Variants in TENM2 observed in about 807,000 individuals in gnomAD.
The protein encoded by TENM2 is teneurin-2.
TENM2 carries 52 observed loss-of-function variants against 245.2 expected under a neutral mutation model. The observed-to-expected ratio is 0.21, with a 90% confidence interval of 0.17 to 0.27. The LOEUF (loss-of-function observed/expected upper bound fraction) is 0.27, where lower values mean the gene tolerates loss of function less well. Ranked by LOEUF, TENM2 falls within the 10% of genes least tolerant of loss-of-function variation. TENM2 has a pLI of 1.00. For synonymous variants in TENM2, 1,363 were observed against 1,438.9 expected, an observed-to-expected ratio of 0.95 and a Z score of 1.19; for missense variants, 3,046 against 3,666.8, an observed-to-expected ratio of 0.83 and a Z score of 4.37.
At chr5:168,171,891 T>C (rs2152471285) in intron 13 of TENM2, among the ~76,000 whole-genome samples, 1 of 152,340 alleles carries the variant, frequency 6.6e-6, no homozygotes, top group South Asian at 2.1e-4. Flanking sequence ...TATTTGTGCT[T>C]TGGCCAGAGC....
At chr5:167,749,561 C>A (rs1761821378) in intron 2 of TENM2, among the ~76,000 whole-genome samples, 1 of 151,904 alleles carries the variant, frequency 6.6e-6, no homozygotes, top group South Asian at 2.1e-4. Context: ...TCGCTTGAAA[C>A]CGGAAGGCAG....
intron 17 of TENM2, among the ~76,000 whole-genome samples, chr5:168,202,821 T>C (rs749099562): frequency 6.6e-6 from 1 of 152,160 alleles, no homozygotes; most frequent in Non-Finnish European, 1.5e-5. Flanking sequence ...GTTAAGAGTT[T>C]AATGCAGTAG....
intron 2 of TENM2, among the ~76,000 whole-genome samples, chr5:167,583,873 C>A (rs1775285571): frequency 6.6e-6 from 1 of 152,136 alleles, no homozygotes; most frequent in African/African-American, 2.4e-5. Context: ...AGATGCTCAT[C>A]TTTTTTGTCT....
chr5:167,646,806 A>G (rs952118944), intron 2 of TENM2, among the ~76,000 whole-genome samples: 6 of 152,230 alleles, frequency 3.9e-5, no homozygotes, highest in Non-Finnish European at 8.8e-5. Context: ...TGGAAAGACT[A>G]CGGCAAGCCA....
At chr5:167,291,308 TAGTATCCCAG>T (rs1242192474) in intron 1 of TENM2, among the ~76,000 whole-genome samples, 6 of 152,218 alleles carry the variant, frequency 3.9e-5, no homozygotes, top group African/African-American at 1.4e-4. Flanking sequence ...TTACAAACAA[TAGTATCCCAG>T]TTCAAATTAG....
intron 2 of TENM2, among the ~76,000 whole-genome samples, chr5:167,579,067 G>A (rs540350257): frequency 2.6e-5 from 4 of 152,086 alleles, no homozygotes; most frequent in Non-Finnish European, 5.9e-5. Context: ...AATTTAATTT[G>A]TTCCATTTAC....
chr5:168,120,377 G>T (rs1795384970), intron 10 of TENM2, among the ~76,000 whole-genome samples: 1 of 152,194 alleles, frequency 6.6e-6, no homozygotes, highest in Non-Finnish European at 1.5e-5. Context: ...ATTGCAGGAG[G>T]CAAAGCTGCA....
chr5:167,857,126 A>G (rs541739017), intron 2 of TENM2, among the ~76,000 whole-genome samples: 4 of 152,296 alleles, frequency 2.6e-5, no homozygotes, highest in Admixed American at 2.0e-4. Context: ...AGTGGATTAC[A>G]TTCTAGCAAG....
At chr5:167,468,067 G>A (rs1005320837) in intron 2 of TENM2, among the ~76,000 whole-genome samples, 3 of 152,150 alleles carry the variant, frequency 2.0e-5, no homozygotes, top group Non-Finnish European at 4.4e-5. Context: ...CTCCTGAGTA[G>A]CTGGGATTAC....
rs191627585 is a variant in TENM2 at position 167,365,136 on chromosome 5, T to A, written c.227-10062T>A. 5.9e-5 allele frequency among the ~76,000 whole-genome samples: 9 copies of A among 152,160 alleles called. 1 individual carries two copies. The East Asian group carries it at 1.7e-3, about 29-fold the overall frequency. On this transcript the variant is annotated intron_variant, in intron 1 of 28. Coordinates refer to ENST00000518659, the Ensembl canonical transcript of TENM2. ...ACCAAGCATGTAATTTAGAAATCGG[T>A]ATCAATCAGACAAGTCCCAGATATT...
the TENM2 span, among the ~76,000 whole-genome samples, chr5:166,992,929 A>G: frequency 6.6e-6 from 1 of 152,330 alleles, no homozygotes; most frequent in South Asian, 2.1e-4. Flanking sequence ...TACTTTTTAT[A>G]GAATTTCAAA....
At chr5:167,017,507 T>A in the TENM2 span, among the ~76,000 whole-genome samples, 1 of 152,290 alleles carries the variant, frequency 6.6e-6, no homozygotes, top group South Asian at 2.1e-4. Context: ...TGGGTGTTGC[T>A]GTGTTCTGTA....
At chr5:168,235,663 C>A (rs1006950130) in intron 25 of TENM2, among the ~76,000 whole-genome samples, 1 of 152,062 alleles carries the variant, frequency 6.6e-6, no homozygotes, top group African/African-American at 2.4e-5. Context: ...AAAAATTAGC[C>A]AGGTGTGGTG....
rs1766415583 is a variant in TENM2, at chr5:168,244,936, A to G, written c.5817+220A>G. On this transcript the variant is annotated intron_variant, in intron 26 of 28. Transcript: ENST00000518659. This position sits in a 1 kb window ranked among gnomAD's most constrained non-coding sequence, Gnocchi z 4.9. ...AGGCACATGTCACCACGCCCGGCTA[A>G]TTTTGTATTTTTAGTAGAGATGGGT... 6.6e-6 allele frequency among the ~76,000 whole-genome samples: 1 copy of G among 151,652 alleles called. No individual in the cohort carries two copies. The highest frequency in any genetic ancestry group is 1.5e-5 in the Non-Finnish European group (1 of 67,892).
chr5:167,190,377 G>T, the TENM2 span, among the ~76,000 whole-genome samples: 15 of 151,948 alleles, frequency 9.9e-5, no homozygotes, highest in South Asian at 2.1e-4. Flanking sequence ...ATGAAGCTTC[G>T]CATCCCCTCT....
At chr5:167,608,743 A>G (rs1777236892) in intron 2 of TENM2, among the ~76,000 whole-genome samples, 1 of 152,176 alleles carries the variant, frequency 6.6e-6, no homozygotes, top group South Asian at 2.1e-4. Context: ...TGCAAAAAAA[A>G]CAAAACATGA....
rs70976428 is a variant in TENM2 at position 167,452,950 on chromosome 5, T to TTTTTTTTTTTTTTAA, written c.502+77477_502+77478insTTTTTTTTTTTTTAA. On this transcript the variant is annotated intron_variant, in intron 2 of 28. Transcript: ENST00000518659. ...TATGATTTATATATATATATATATA[T>TTTTTTTTTTTTTTAA]ATATATATATATTTAAAAAAAAAAA... Among the ~76,000 whole-genome samples the TTTTTTTTTTTTTTAA allele has an allele frequency of 4.0e-5, 4 of 99,630 alleles. 1 individual carries two copies. The highest frequency in any genetic ancestry group is 1.4e-4 in the African/African-American group (4 of 29,432). The allele number at this position is 99,630 out of a possible 152,430, so 65.4% of individuals were successfully genotyped here.
chr5:168,152,624 G>A (rs1756756005), intron 12 of TENM2, among the ~76,000 whole-genome samples: 1 of 152,098 alleles, frequency 6.6e-6, no homozygotes, highest in Non-Finnish European at 1.5e-5. Context: ...TTATTTGCTG[G>A]ACAGCTGTGG....
In TENM2 at chr5:168,154,147, T is replaced by TAAAAAAAAAAAAAAAAAAAAA. The variant is rs70976465; in HGVS notation, c.2423-8445_2423-8444insAAAAAAAAAAAAAAAAAAAAA. 1.3e-3 allele frequency among the ~76,000 whole-genome samples: 108 copies of TAAAAAAAAAAAAAAAAAAAAA among 84,962 alleles called. 6 individuals carry two copies. Among genetic ancestry groups the TAAAAAAAAAAAAAAAAAAAAA allele is most frequent in the Middle Eastern group, 5.3e-3 (1 of 188 alleles). 55.7% of individuals were successfully genotyped at this position (84,962 alleles called of 152,430 possible). The stretch of plus-strand genomic sequence containing the variant: ...CATTTCCTCACATGATCACCTACTT[T>TAAAAAAAAAAAAAAAAAAAAA]AAAAAAAAAAAAAAAAAAACAGTAA... On this transcript the variant is annotated intron_variant, in intron 12 of 28. Transcript: ENST00000518659.
Sources: gnomAD v4.1 joint callset for allele counts (sites outside exome capture counted in the v4.1 genomes callset) on GRCh38, gnomAD v4.1.1 for gene constraint, Gnocchi (gnomAD v3.1) non-coding constraint, MANE v1.5 for transcripts, NCBI Gene and HGNC (gene_info 2026-07-23, HGNC 2026-07-21) for gene names.